The following CCN4 variants were observed in gnomAD, a reference collection of about 807,000 sequenced individuals.
CCN4 encodes the protein CCN family member 4.
In CCN4, 30 loss-of-function variants were observed where a neutral mutation model predicts 36.7. The observed-to-expected ratio is 0.82, with a 90% CI of 0.61 to 1.11. CCN4 has a LOEUF of 1.11. Ranked by LOEUF, CCN4 falls within the 50% of genes least tolerant of loss-of-function variation. CCN4 has a pLI of 0.00. For synonymous variants in CCN4, 191 were observed against 195.4 expected (o/e 0.98, Z 0.19); for missense variants, 505 against 504.9 (o/e 1.00, Z 0.00).
chr8:133,204,534 G>A (rs975072568), intron 1 of CCN4, among the ~76,000 whole-genome samples: 1 of 152,222 alleles, frequency 6.6e-6, no homozygotes, highest in Non-Finnish European at 1.5e-5. Flanking sequence ...CTTCAGCCTA[G>A]AGAAACTTAA....
intron 1 of CCN4, among the ~76,000 whole-genome samples, chr8:133,195,140 T>G: frequency 1.5e-5 from 2 of 136,682 alleles, no homozygotes; most frequent in Non-Finnish European, 1.6e-5. Flanking sequence ...GTGAGCATGT[T>G]TGTGGTGTGT....
chr8:133,221,102 A>T (rs144465075), intron 3 of CCN4, among the ~76,000 whole-genome samples: 1 of 152,356 alleles, frequency 6.6e-6, no homozygotes, highest in East Asian at 1.9e-4. Flanking sequence ...CTAAAAGTGC[A>T]ATCCATTATT....
intron 2 of CCN4, among the ~76,000 whole-genome samples, chr8:133,215,274 A>G (rs1396475571): frequency 1.3e-5 from 2 of 152,184 alleles, no homozygotes; most frequent in African/African-American, 4.8e-5. Context: ...GGTGATTCTC[A>G]TGCATGCTAA....
intron 1 of CCN4, among the ~76,000 whole-genome samples, chr8:133,210,500 G>A (rs994926259): frequency 1.4e-4 from 22 of 152,016 alleles, no homozygotes; most frequent in African/African-American, 5.1e-4. Context: ...AGGCTAACTA[G>A]TGCCTCCTCG....
chr8:133,213,180 A>T, intron 2 of CCN4, 37 bp downstream of exon 2: 1 of 1,569,826 alleles, frequency 6.4e-7, no homozygotes, highest in Non-Finnish European at 8.7e-7. Context: ...CCAGCCCCTG[A>T]GCACCCCCAG....
intron 3 of CCN4, among the ~76,000 whole-genome samples, chr8:133,222,258 A>G (rs1260606899): frequency 1.3e-5 from 2 of 152,186 alleles, no homozygotes; most frequent in African/African-American, 4.8e-5. Context: ...TGCTTGAGTA[A>G]GACTGAAGGT....
At chr8:133,196,765 A>G (rs1045807472) in intron 1 of CCN4, among the ~76,000 whole-genome samples, 1 of 152,220 alleles carries the variant, frequency 6.6e-6, no homozygotes, top group African/African-American at 2.4e-5. Context: ...CAAAGCCCAC[A>G]AGGCCCCAGA....
intron 1 of CCN4, among the ~76,000 whole-genome samples, chr8:133,201,553 AG>A (rs1853587362): frequency 6.6e-6 from 1 of 152,202 alleles, no homozygotes; most frequent in South Asian, 2.1e-4. Context: ...AGAATAAAAA[AG>A]CATACAGCCA....
At chr8:133,194,982 G>A (rs1351926080) in intron 1 of CCN4, among the ~76,000 whole-genome samples, 2 of 146,062 alleles carry the variant, frequency 1.4e-5, no homozygotes, top group East Asian at 4.2e-4. Flanking sequence ...TGTGTGTTGA[G>A]TGTGTATGTG....
Position 133,229,617 on chromosome 8 carries a change from C to T in CCN4, c.*1907C>T, listed in dbSNP as rs1854880944. The T allele has an allele frequency of 6.6e-6, 1 of 152,212 alleles. No homozygotes were observed. The allele number at this position is 152,212 out of a possible 1,614,324, so 9.4% of individuals were successfully genotyped here. A position where few individuals can be genotyped will look rare whatever the true frequency, so the allele number is the denominator to read the frequency against. On this transcript the variant is annotated 3_prime_UTR_variant, in exon 5 of 5. Transcript: ENST00000250160. ...ACGGGAAAAGGACTGGGAATACATC[C>T]TCCTTACTGTGACCTCCCCAAAACC...
rs750266601 is a variant in CCN4, at chr8:133,213,126, C to A, written c.332C>A (p.Ala111Glu). The A allele has an allele frequency of 3.7e-6, 6 of 1,600,192 alleles. No homozygotes were observed. In the African/African-American group the frequency reaches 4.2e-5, roughly 11 times the overall value. Residue 111 changes from alanine (A) to glutamate (E), a missense_variant, in exon 2 of 5, where the codon GCA (alanine) becomes GAA (glutamate). Physicochemically the swap from Ala to Glu is moderately radical, Grantham distance 107 (BLOSUM62 -1). Transcript: ENST00000250160. ...TACAGCGGGGACCGCCCGAGGTACG[C>A]AATAGGAGTGTGTGCACGTAAGTGA... ...CDYSGDRPRY[A>E]IGVCAQVVGV...
intron 1 of CCN4, among the ~76,000 whole-genome samples, chr8:133,204,325 C>T (rs1853689923): frequency 6.6e-6 from 1 of 152,236 alleles, no homozygotes; most frequent in East Asian, 1.9e-4. Flanking sequence ...TCTGCGTGAA[C>T]TGCTGTGTGA....
At position 133,212,849 on chromosome 8, in the gene CCN4, G is replaced by A. The variant is rs1399006435; in HGVS notation, c.70-15G>A. On this transcript the variant is annotated splice_polypyrimidine_tract_variant and intron_variant, in intron 1 of 4. Transcript: ENST00000250160. ...GTCTCAGCAGCCCCCCTTTCCCTCT[G>A]CCCTCCCCCCGCAGGCCCTCTCTCC... is the stretch of plus-strand genomic sequence containing the variant. 2.0e-6 allele frequency: 3 copies of A among 1,532,530 alleles called. No individual in the cohort carries two copies. Among genetic ancestry groups the A allele is most frequent in the South Asian group, 2.5e-5 (2 of 80,822 alleles). The allele number at this position is 1,532,530 out of a possible 1,614,324, so 94.9% of individuals were successfully genotyped here.
In CCN4 at chr8:133,227,837, C is replaced by A; in HGVS notation, c.*127C>A. 1 of 1,069,148 alleles carries A rather than the reference C, an allele frequency of 9.4e-7. No individual in the cohort carries two copies. The highest frequency in any genetic ancestry group is 1.6e-5 in the African/African-American group (1 of 62,720). 66.2% of individuals were successfully genotyped at this position (1,069,148 alleles called of 1,614,324 possible). A position where few individuals can be genotyped will look rare whatever the true frequency, so the allele number is the denominator to read the frequency against. ...CTGGACCCTTGGCCTCCATTTCTGTCTCTAACCATTCAAATGACGCCTGAT... is the reference window on the plus strand; with the variant it reads ...CTGGACCCTTGGCCTCCATTTCTGTATCTAACCATTCAAATGACGCCTGAT... On this transcript the variant is annotated 3_prime_UTR_variant, in exon 5 of 5. Coordinates refer to ENST00000250160, the MANE Select transcript of CCN4 (RefSeq NM_003882.4).
At chr8:133,210,608 G>C (rs1223254489) in intron 1 of CCN4, among the ~76,000 whole-genome samples, 1 of 151,650 alleles carries the variant, frequency 6.6e-6, no homozygotes, top group Non-Finnish European at 1.5e-5. Flanking sequence ...TCCCTGCAGG[G>C]GGCTGCAGGC....
At chr8:133,207,123 C>G (rs1316061925) in intron 1 of CCN4, among the ~76,000 whole-genome samples, 1 of 152,196 alleles carries the variant, frequency 6.6e-6, no homozygotes, top group Non-Finnish European at 1.5e-5. Context: ...TAAAGGAGTT[C>G]TAAGATGACT....
chr8:133,210,856 G>A (rs754626525), intron 1 of CCN4, among the ~76,000 whole-genome samples: 5 of 152,150 alleles, frequency 3.3e-5, no homozygotes, highest in Admixed American at 3.3e-4. Context: ...AGGAGAGTCC[G>A]CCCAGAGAAA....
intron 1 of CCN4, among the ~76,000 whole-genome samples, chr8:133,197,923 G>A (rs1303387374): frequency 6.6e-6 from 1 of 152,158 alleles, no homozygotes; most frequent in African/African-American, 2.4e-5. Flanking sequence ...TCTAAGAGTA[G>A]GGGAATATCC....
At chr8:133,216,561 A>T (rs1854328201) in intron 2 of CCN4, among the ~76,000 whole-genome samples, 1 of 151,882 alleles carries the variant, frequency 6.6e-6, no homozygotes, top group African/African-American at 2.4e-5. Flanking sequence ...AATATTTTTA[A>T]AACCACTCTG....
Sources: gnomAD v4.1 joint callset for allele counts (sites outside exome capture counted in the v4.1 genomes callset) on GRCh38, gnomAD v4.1.1 for gene constraint, MANE v1.5 for transcripts, NCBI Gene and HGNC (gene_info 2026-07-23, HGNC 2026-07-21) for gene names.